CTNNA2: variants seen among roughly 807,000 people sequenced by gnomAD.
The protein encoded by CTNNA2 is catenin alpha-2.
CTNNA2 carries 42 observed loss-of-function variants against 101.0 expected under a neutral mutation model. The observed-to-expected ratio is 0.42, with a 90% confidence interval of 0.32 to 0.54. The LOEUF (loss-of-function observed/expected upper bound fraction) is 0.54. Among genes scored for constraint, CTNNA2 ranks in the 20% least tolerant of loss-of-function variants. CTNNA2 has a pLI of 0.14. For missense variants in CTNNA2, 871 were observed against 1,223.1 expected (o/e 0.71, Z 4.29); for synonymous variants, 450 against 456.4 (o/e 0.99, Z 0.18).
At chr2:80,187,987 C>A (rs973886859) in intron 7 of CTNNA2, among the ~76,000 whole-genome samples, 1 of 152,106 alleles carries the variant, frequency 6.6e-6, no homozygotes, top group Admixed American at 6.5e-5. Context: ...TACAGGATGT[C>A]CTGGTGTAGC....
chr2:80,160,108 T>C (rs1704221640), intron 7 of CTNNA2, among the ~76,000 whole-genome samples: 1 of 152,216 alleles, frequency 6.6e-6, no homozygotes, highest in African/African-American at 2.4e-5. Context: ...GTTGATTTTG[T>C]ACTTTTGTCA....
chr2:79,630,802 G>A (rs754588625), intron 1 of CTNNA2, among the ~76,000 whole-genome samples: 1 of 152,196 alleles, frequency 6.6e-6, no homozygotes, highest in Non-Finnish European at 1.5e-5. Context: ...ATTAAACAAT[G>A]CTATATGGGT....
At chr2:80,260,526 A>T (rs1456827399) in intron 7 of CTNNA2, among the ~76,000 whole-genome samples, 1 of 152,160 alleles carries the variant, frequency 6.6e-6, no homozygotes, top group Admixed American at 6.5e-5. Context: ...TATTTGCACA[A>T]ATTGAAGGAA....
In CTNNA2 at chr2:80,303,909, A is replaced by T. The variant is rs1482546468; in HGVS notation, c.1057-89302A>T. On this transcript the variant is annotated intron_variant, in intron 7 of 18. Coordinates refer to ENST00000402739, the MANE Select transcript of CTNNA2 (RefSeq NM_001282597.3). This position sits in a 1 kb window ranked among gnomAD's most constrained non-coding sequence, Gnocchi z 7.7. ...TCATATTTTATTCCGAGGGAGGGGA[A>T]GCGGGGGAGGGGGAGAAAAGGGCAA... 7.0e-7 allele frequency: 1 copy of T among 1,419,774 alleles called. No homozygotes were observed. 87.9% of individuals were successfully genotyped at this position (1,419,774 alleles called of 1,614,324 possible). A position where few individuals can be genotyped will look rare whatever the true frequency, so the allele number is the denominator to read the frequency against.
At chr2:80,359,342 G>A (rs139283390) in intron 7 of CTNNA2, among the ~76,000 whole-genome samples, 1 of 152,156 alleles carries the variant, frequency 6.6e-6, no homozygotes, top group Admixed American at 6.5e-5. Context: ...TGAGCTTTTT[G>A]TCTACATTTA....
chr2:79,366,515 C>T (rs938605613), intron 3 of CTNNA2, among the ~76,000 whole-genome samples: 2 of 152,124 alleles, frequency 1.3e-5, no homozygotes, highest in African/African-American at 4.8e-5. Flanking sequence ...AGCTATTCCT[C>T]AGTGAAGCAG....
chr2:80,245,794 C>CTTTTTTTTT (rs34625586), intron 7 of CTNNA2, among the ~76,000 whole-genome samples: 2 of 58,954 alleles, frequency 3.4e-5, no homozygotes, highest in Non-Finnish European at 2.9e-5. Context: ...TATGATTTAA[C>CTTTTTTTTT]TTTTTTTTTT....
chr2:79,394,199 T>G (rs1354213817), intron 4 of CTNNA2, among the ~76,000 whole-genome samples: 1 of 152,200 alleles, frequency 6.6e-6, no homozygotes, highest in Non-Finnish European at 1.5e-5. Context: ...TGTTTCTTTT[T>G]GTTTGTTTGT....
rs557565881 is a variant in CTNNA2 at position 79,924,849 on chromosome 2, A to G, written c.1056+15052A>G. Among the ~76,000 whole-genome samples, 5 of 152,236 alleles carry G rather than the reference A, an allele frequency of 3.3e-5. No individual in the cohort carries two copies. The East Asian group carries it at 9.6e-4, about 29-fold the overall frequency. On this transcript the variant is annotated intron_variant, in intron 7 of 18. Coordinates refer to ENST00000402739, the MANE Select transcript of CTNNA2 (RefSeq NM_001282597.3). ...GCATTATAGATACTTGTTCCTGTTT[A>G]GAGGTTGAAGAAAGTGTGGTTGTGA...
intron 7 of CTNNA2, among the ~76,000 whole-genome samples, chr2:80,287,554 A>G (rs1258902148): frequency 6.6e-6 from 1 of 152,192 alleles, no homozygotes; most frequent in Non-Finnish European, 1.5e-5. Flanking sequence ...TGACGATAGT[A>G]ATAACACTTA....
intron 8 of CTNNA2, among the ~76,000 whole-genome samples, chr2:80,418,354 T>C (rs546574331): frequency 1.8e-4 from 28 of 152,348 alleles, no homozygotes; most frequent in Admixed American, 1.8e-3. Flanking sequence ...ACATTATACA[T>C]GAGCTCACTA....
At chr2:80,377,824 T>C (rs1456416570) in intron 7 of CTNNA2, among the ~76,000 whole-genome samples, 2 of 152,186 alleles carry the variant, frequency 1.3e-5, no homozygotes, top group African/African-American at 4.8e-5. Context: ...TATGAGATTC[T>C]GGAAGAACTA....
chr2:79,553,774 G>A (rs1674267019), intron 1 of CTNNA2, among the ~76,000 whole-genome samples: 1 of 152,108 alleles, frequency 6.6e-6, no homozygotes, highest in African/African-American at 2.4e-5. Context: ...TTATCACTGA[G>A]GATTACAATT....
chr2:79,217,291 G>A (rs544331591), intron 2 of CTNNA2, among the ~76,000 whole-genome samples: 5 of 152,342 alleles, frequency 3.3e-5, no homozygotes, highest in Admixed American at 6.5e-5. Context: ...CCCCCGATCC[G>A]AGTCACGGCA....
intron 1 of CTNNA2, among the ~76,000 whole-genome samples, chr2:79,519,000 A>T (rs13386438): frequency 0.23 from 34,296 of 151,898 alleles, 4,244 homozygotes; most frequent in Middle Eastern, 0.34. Context: ...AGGCTGAGGC[A>T]GGCACATCAC....
chr2:79,619,634 A>G (rs1678865521), intron 1 of CTNNA2, among the ~76,000 whole-genome samples: 1 of 152,202 alleles, frequency 6.6e-6, no homozygotes, highest in Admixed American at 6.5e-5. Flanking sequence ...TGTCATTAAG[A>G]AAGTGTTTGA....
At chr2:79,262,854 A>T (rs1329024744) in intron 2 of CTNNA2, among the ~76,000 whole-genome samples, 1 of 152,194 alleles carries the variant, frequency 6.6e-6, no homozygotes. Flanking sequence ...GGCATTTACT[A>T]CTACATTCAT....
chr2:79,518,385 G>T (rs969318595), intron 1 of CTNNA2, among the ~76,000 whole-genome samples: 1 of 152,180 alleles, frequency 6.6e-6, no homozygotes, highest in African/African-American at 2.4e-5. Context: ...GTTGTATATG[G>T]TCTCAAGGGC....
At chr2:79,817,551 C>T (rs1260481348) in intron 3 of CTNNA2, among the ~76,000 whole-genome samples, 1 of 151,976 alleles carries the variant, frequency 6.6e-6, no homozygotes, top group Non-Finnish European at 1.5e-5. Flanking sequence ...TCACCCTTTC[C>T]CTGTGCTCTG....
Sources: allele counts gnomAD v4.1 joint callset (sites outside exome capture counted in the v4.1 genomes callset), GRCh38; gene constraint gnomAD v4.1.1; non-coding constraint Gnocchi (gnomAD v3.1); transcripts MANE v1.5; gene names NCBI Gene and HGNC (gene_info 2026-07-23, HGNC 2026-07-21).